Variants in SLC19A3 observed in about 807,000 individuals in gnomAD.
The protein encoded by SLC19A3 is thiamine transporter 2.
A neutral mutation model predicts 40.2 loss-of-function variants in SLC19A3; 31 were observed. That is an observed-to-expected ratio of 0.77 (90% CI 0.58 to 1.04). The LOEUF (loss-of-function observed/expected upper bound fraction) is 1.04, where lower values mean the gene tolerates loss of function less well. Ranked by LOEUF, SLC19A3 falls within the 50% of genes least tolerant of loss-of-function variation. SLC19A3 has a pLI of 0.00. For synonymous variants in SLC19A3, 212 were observed against 227.5 expected, an observed-to-expected ratio of 0.93 and a Z score of 0.61; for missense variants, 592 against 596.7, an observed-to-expected ratio of 0.99 and a Z score of 0.08.
chr2:227,707,822 G>A (rs1302424070), intron 1 of SLC19A3, among the ~76,000 whole-genome samples: 1 of 152,034 alleles, frequency 6.6e-6, no homozygotes, highest in Admixed American at 6.6e-5. Flanking sequence ...CTGCCTCCCA[G>A]GTTCAAGCAA....
In SLC19A3 at chr2:227,687,264, G is replaced by A. The variant is rs1695050331; in HGVS notation, c.*133C>T. 1.1e-6 allele frequency: 1 copy of A among 915,800 alleles called. No individual in the cohort carries two copies. The allele number at this position is 915,800 out of a possible 1,614,324, so 56.7% of individuals were successfully genotyped here. ...CATCTAAAACTGAGGTTTTGTTGTG[G>A]TTTTGAAAGGTCCATTGGAATCCAG... On this transcript the variant is annotated 3_prime_UTR_variant, in exon 6 of 6. Transcript: ENST00000644224.
Position 227,698,860 on chromosome 2 carries a change from C to T in SLC19A3, c.855G>A (p.Trp285Ter), listed in dbSNP as rs1695551164. The T allele has an allele frequency of 6.2e-7, 1 of 1,614,018 alleles. No individual in the cohort carries two copies. Among genetic ancestry groups the T allele is most frequent in the African/African-American group, 1.3e-5 (1 of 74,924 alleles). The part of the protein sequence containing the change: ...SKRLFYWSLW[W>*]AFATAGFNQV... ...GGTTAAAACCTGCTGTGGCGAAAGC[C>T]CACCATAGAGACCAGTAGAAAAGAC... Residue 285 changes from tryptophan to a stop codon, truncating the protein, a stop_gained, in exon 3 of 6, where the codon TGG (tryptophan) becomes TGA (stop). Coordinates refer to ENST00000644224, the MANE Select transcript of SLC19A3 (RefSeq NM_025243.4). LOFTEE classifies it high-confidence loss of function.
In SLC19A3 at chr2:227,698,889, T is replaced by G; in HGVS notation, c.826A>C (p.Lys276Gln). ...CATAGAGACCAGTAGAAAAGACGTT[T>G]TGAGGAGTAGCACTCCTTCAAATCT... ...FQDLKECYSS[K>Q]RLFYWSLWWA... Residue 276 changes from lysine to glutamine, a missense_variant, in exon 3 of 6, where the codon AAA becomes CAA. Coordinates refer to ENST00000644224, the MANE Select transcript of SLC19A3 (RefSeq NM_025243.4). 5.0e-6 allele frequency: 8 copies of G among 1,614,140 alleles called. No homozygotes were observed. Among genetic ancestry groups the G allele is most frequent in the Non-Finnish European group, 5.9e-6 (7 of 1,180,004 alleles).
chr2:227,717,627 C>T (rs1056041946), intron 1 of SLC19A3, among the ~76,000 whole-genome samples: 2 of 152,158 alleles, frequency 1.3e-5, no homozygotes, highest in Non-Finnish European at 2.9e-5. Context: ...TGCTAAAATG[C>T]CTTTTCAGTT....
intron 1 of SLC19A3, among the ~76,000 whole-genome samples, chr2:227,710,466 C>T (rs571429881): frequency 2.0e-5 from 3 of 152,232 alleles, no homozygotes; most frequent in South Asian, 2.1e-4. Flanking sequence ...GAGGCCGAGA[C>T]GGGTGGATCA....
Position 227,686,274 on chromosome 2 carries a change from A to G in SLC19A3, c.*1123T>C. ...TTTCTTATTTCTAATACTTCTAGAA[A>G]CCTCCTTTAAGTTTTCCTATTTTAG... On this transcript the variant is annotated 3_prime_UTR_variant, in exon 6 of 6. Transcript: ENST00000644224. 1 of 317,264 alleles carries G rather than the reference A, an allele frequency of 3.2e-6. No homozygotes were observed. 19.7% of individuals were successfully genotyped at this position (317,264 alleles called of 1,614,324 possible). A position where few individuals can be genotyped will look rare whatever the true frequency, so the allele number is the denominator to read the frequency against.
chr2:227,717,744 C>T (rs553923370), intron 1 of SLC19A3, among the ~76,000 whole-genome samples, 199 bp downstream of exon 1: 4 of 152,304 alleles, frequency 2.6e-5, no homozygotes, highest in African/African-American at 7.2e-5. Flanking sequence ...GAATTCCAGA[C>T]AAACCCACTT....
intron 2 of SLC19A3, 110 bp downstream of exon 2, chr2:227,702,059 C>A (rs1695716300): frequency 2.3e-6 from 2 of 886,820 alleles, no homozygotes; most frequent in Admixed American, 2.0e-5. Context: ...ATCAGGCTCA[C>A]TGAGTTTAAT....
Position 227,687,563 on chromosome 2 carries a change from T to G in SLC19A3, c.1325A>C (p.Tyr442Ser), listed in dbSNP as rs778504165. The G allele has an allele frequency of 6.2e-7, 1 of 1,613,888 alleles. No individual in the cohort carries two copies. ...AGCAATTACTGCAAAATAGCTCCCA[T>G]AAACTAAAAACTGGAGAAAAACAAA... ...NLPVSIQFLV[Y>S]GSYFAVIAGI... The change falls in exon 6 of 6, where the codon TAT becomes TCT. Residue 442 changes from tyrosine to serine, a missense_variant. Tyr to Ser is a moderately radical substitution (Grantham distance 144). Coordinates refer to ENST00000644224, the MANE Select transcript of SLC19A3 (RefSeq NM_025243.4).
intron 1 of SLC19A3, chr2:227,714,703 C>CAAAAA (rs769256469): frequency 1.7e-5 from 3 of 177,184 alleles, no homozygotes; most frequent in Non-Finnish European, 2.3e-5. Flanking sequence ...AAATCCCATC[C>CAAAAA]AAAAAAAAAA....
chr2:227,687,309 T>A lies in SLC19A3; in HGVS notation c.*88A>T. 1.5e-6 allele frequency: 2 copies of A among 1,363,268 alleles called. No homozygotes were observed. Among genetic ancestry groups the A allele is most frequent in the Admixed American group, 2.2e-5 (1 of 45,282 alleles). 84.4% of individuals were successfully genotyped at this position (1,363,268 alleles called of 1,614,324 possible). On this transcript the variant is annotated 3_prime_UTR_variant, in exon 6 of 6. Transcript: ENST00000644224. Reference sequence around the variant, plus strand: ...ATCCAGATTTGCAAAGCATGTCAAGTTATGGCAAAACATATGCCACCCATC... The same window carrying A: ...ATCCAGATTTGCAAAGCATGTCAAGATATGGCAAAACATATGCCACCCATC...
intron 1 of SLC19A3, among the ~76,000 whole-genome samples, chr2:227,712,023 C>G (rs1378991035): frequency 1.7e-5 from 2 of 118,294 alleles, no homozygotes; most frequent in Non-Finnish European, 3.3e-5. Flanking sequence ...GCACTCCAGC[C>G]TGGGCGACAG....
At chr2:227,692,412 T>C (rs768477207) in intron 4 of SLC19A3, among the ~76,000 whole-genome samples, 38 of 152,368 alleles carry the variant, frequency 2.5e-4, no homozygotes, top group Non-Finnish European at 5.0e-4. Flanking sequence ...TGTAAATCAA[T>C]CAGTGTGATA....
chr2:227,699,389 A>G lies in SLC19A3; in HGVS notation c.326T>C (p.Val109Ala). The G allele has an allele frequency of 6.2e-7, 1 of 1,614,202 alleles. No homozygotes were observed. The highest frequency in any genetic ancestry group is 1.1e-5 in the South Asian group (1 of 91,082). ...FGQGVKTMQV[V>A]EFFYGMVTAA... is the part of the protein sequence containing the mutation. ...GGTGACCATCCCATAGAAGAACTCT[A>G]CAACCTGCATGGTCTTCACTCCTTG... The change falls in exon 3 of 6, where the codon GTA becomes GCA. Residue 109 changes from valine (V) to alanine (A), a missense_variant. Physicochemically the swap from Val to Ala is moderately conservative, Grantham distance 64. Coordinates refer to ENST00000644224, the MANE Select transcript of SLC19A3 (RefSeq NM_025243.4).
rs796601163 is a variant in SLC19A3 at position 227,701,967 on chromosome 2, G to A, written c.150+202C>T. On this transcript the variant is annotated intron_variant, in intron 2 of 5. Transcript: ENST00000644224. ...GCAAGTTAAAAATTTGTTAACACAT[G>A]TAATATGTTTTGGCTGCAATTTTTT... The A allele has an allele frequency of 1.2e-5, 7 of 563,916 alleles. No individual in the cohort carries two copies. The African/African-American group carries it at 1.3e-4, about 11-fold the overall frequency. The allele number at this position is 563,916 out of a possible 1,614,324, so 34.9% of individuals were successfully genotyped here.
rs1157937155 is a variant in SLC19A3, at chr2:227,703,945, C to G, written c.-2-1625G>C. ...TTTTTATTTCTTTAGGTTTCTAATA[C>G]AGCTGTCCAAATCGATTTAGTTGGG... On this transcript the variant is annotated intron_variant, in intron 1 of 5. Transcript: ENST00000644224. The surrounding 1 kb of genome is among the most constrained non-coding windows in gnomAD (Gnocchi z 4.7). Among the ~76,000 whole-genome samples, 1 of 149,638 alleles carries G rather than the reference C, an allele frequency of 6.7e-6. No individual in the cohort carries two copies. The highest frequency in any genetic ancestry group is 2.0e-4 in the East Asian group (1 of 5,020).
intron 2 of SLC19A3, 85 bp from the exon 3 acceptor site, chr2:227,699,649 A>G (rs1008686312): frequency 2.0e-5 from 22 of 1,103,330 alleles, no homozygotes; most frequent in Admixed American, 3.4e-5. Context: ...TCTGCCTCCA[A>G]TTGGAAATTA....
At chr2:227,696,661 T>C (rs1412450334) in intron 3 of SLC19A3, among the ~76,000 whole-genome samples, 1 of 152,232 alleles carries the variant, frequency 6.6e-6, no homozygotes, top group Non-Finnish European at 1.5e-5. Flanking sequence ...CATAATTTAC[T>C]TGAGAAGCTT....
chr2:227,714,948 T>C (rs1696281977), intron 1 of SLC19A3, among the ~76,000 whole-genome samples: 1 of 151,280 alleles, frequency 6.6e-6, no homozygotes. Flanking sequence ...GTCTCCTGAG[T>C]AGCTGAGACC....
Sources: gnomAD v4.1 joint callset for allele counts (sites outside exome capture counted in the v4.1 genomes callset) on GRCh38, gnomAD v4.1.1 for gene constraint, Gnocchi (gnomAD v3.1) non-coding constraint, MANE v1.5 for transcripts, NCBI Gene and HGNC (gene_info 2026-07-23, HGNC 2026-07-21) for gene names.